The following GSDMA variants were observed in gnomAD, a reference collection of about 807,000 sequenced individuals.
GSDMA encodes the protein gasdermin A, also known as gasdermin-A.
A neutral mutation model predicts 54.3 loss-of-function variants in GSDMA; 55 were observed. The ratio of observed to expected loss-of-function variants is 1.01; its 90% CI spans 0.82 to 1.27. The LOEUF is 1.27. GSDMA is among the 50% of genes most tolerant of loss of function. The probability of loss-of-function intolerance (pLI) is 0.00; values close to 1 mark genes in which losing one functional copy is unlikely to be tolerated. For missense variants in GSDMA, 542 were observed against 542.6 expected, an observed-to-expected ratio of 1.00 and a Z score of 0.01; for synonymous variants, 211 against 224.7, an observed-to-expected ratio of 0.94 and a Z score of 0.54.
intron 9 of GSDMA, 86 bp from the exon 10 acceptor site, chr17:39,974,814 C>T (rs931943107): frequency 8.1e-6 from 6 of 736,374 alleles, no homozygotes; most frequent in African/African-American, 5.4e-5. Context: ...AGAGAGTTTC[C>T]GCATGTCAAG....
chr17:39,968,846 T>C (rs1036319444), intron 3 of GSDMA, among the ~76,000 whole-genome samples: 2 of 152,106 alleles, frequency 1.3e-5, no homozygotes, highest in African/African-American at 4.8e-5. Flanking sequence ...GGTTGTGACA[T>C]TATAGGACAT....
chr17:39,969,910 T>C (rs1979851661), intron 3 of GSDMA, among the ~76,000 whole-genome samples: 1 of 134,426 alleles, frequency 7.4e-6, no homozygotes, highest in African/African-American at 2.8e-5. Flanking sequence ...AAGGAAAAAA[T>C]AGGGTAGTAA....
intron 3 of GSDMA, among the ~76,000 whole-genome samples, chr17:39,968,590 C>T (rs534748004): frequency 1.1e-4 from 17 of 151,676 alleles, no homozygotes; most frequent in African/African-American, 2.7e-4. Flanking sequence ...TCAGGTGATC[C>T]GCCTACCTCG....
At chr17:39,964,202 G>A (rs867682812) in intron 1 of GSDMA, among the ~76,000 whole-genome samples, 9 of 152,162 alleles carry the variant, frequency 5.9e-5, no homozygotes, top group Non-Finnish European at 1.2e-4. Context: ...GAGCATTAGC[G>A]GAGGACTAGG....
chr17:39,972,463 T>C (rs1979996954), intron 6 of GSDMA, 124 bp from the exon 7 acceptor site: 1 of 884,468 alleles, frequency 1.1e-6, no homozygotes, highest in Admixed American at 2.1e-5. Context: ...TGGGGGTGGA[T>C]GAGCTAGCAT....
chr17:39,969,611 A>G (rs2144789468), intron 3 of GSDMA, among the ~76,000 whole-genome samples: 1 of 152,282 alleles, frequency 6.6e-6, no homozygotes. Context: ...AGTATTGCAC[A>G]GAGTTAGGCG....
intron 2 of GSDMA, 82 bp downstream of exon 2, chr17:39,965,983 C>A: frequency 7.8e-7 from 1 of 1,284,800 alleles, no homozygotes; most frequent in East Asian, 2.5e-5. Context: ...GACCTCAAAG[C>A]TCCCTCTGGC....
Position 39,975,015 on chromosome 17 carries a change from G to A in GSDMA, c.1021+1G>A, listed in dbSNP as rs1258709462. 4.5e-6 allele frequency: 7 copies of A among 1,567,740 alleles called. No homozygotes were observed. Among genetic ancestry groups the A allele is most frequent in the Non-Finnish European group, 6.1e-6 (7 of 1,139,450 alleles). ...CTCTATTTCGTTGGAGCCCTAACAG[G>A]TAAGTGGGGAATAAGGTCTTCATTT... On this transcript the variant is annotated splice_donor_variant, in intron 10 of 11. Coordinates refer to ENST00000301659, the MANE Select transcript of GSDMA (RefSeq NM_178171.5). LOFTEE classifies it high-confidence loss of function.
rs371241348 is a variant in GSDMA, at chr17:39,966,426, C to G, written c.381C>G (p.Thr127=). The G allele has an allele frequency of 1.2e-5, 20 of 1,605,350 alleles. No individual in the cohort carries two copies. The highest frequency in any genetic ancestry group is 1.7e-5 in the Non-Finnish European group (20 of 1,176,556). ...TLSVAPKALE[T]VQERKLAADH... ...GTGTGGCTCCCAAGGCCCTGGAGAC[C>G]GTGCAGGAGAGGTGAGAGTGGGCGG... Residue 127 remains threonine (T), a synonymous_variant, in exon 3 of 12, where the codon ACC becomes ACG. Transcript: ENST00000301659.
At chr17:39,965,163 G>C (rs1979577223) in intron 1 of GSDMA, among the ~76,000 whole-genome samples, 1 of 146,650 alleles carries the variant, frequency 6.8e-6, no homozygotes, top group East Asian at 2.0e-4. Flanking sequence ...GCGAGGTGGA[G>C]GGAAGGAAGG....
rs766121214 is a variant in GSDMA, at chr17:39,965,856, G to A, written c.169G>A (p.Asp57Asn). Reference protein sequence around the residue: ...LFWGARYVRTDYTLLDVLEPG... With the variant: ...LFWGARYVRTNYTLLDVLEPG... ...CTGGGGGGCCCGGTACGTCCGCACC[G>A]ACTACACGCTGCTGGATGTGCTTGA... The change falls in exon 2 of 12, where the codon GAC becomes AAC. Residue 57 changes from aspartate to asparagine, a missense_variant. Physicochemically the swap from Asp to Asn is conservative, Grantham distance 23. Coordinates refer to ENST00000301659, the MANE Select transcript of GSDMA (RefSeq NM_178171.5). 68 of 1,564,770 alleles carry A rather than the reference G, an allele frequency of 4.3e-5. No homozygotes were observed. The highest frequency in any genetic ancestry group is 5.5e-5 in the Non-Finnish European group (63 of 1,155,160).
intron 1 of GSDMA, among the ~76,000 whole-genome samples, chr17:39,963,751 G>T (rs1190898047): frequency 6.6e-6 from 1 of 152,206 alleles, no homozygotes; most frequent in Admixed American, 6.5e-5. Flanking sequence ...CTACCTGGGA[G>T]ACTGAGGCAG....
At chr17:39,975,069 C>T in intron 10 of GSDMA, 55 bp downstream of exon 10, 1 of 934,112 alleles carries the variant, frequency 1.1e-6, no homozygotes, top group Non-Finnish European at 1.7e-6. Context: ...AGGAATGAAT[C>T]ACTTGAATCA....
chr17:39,974,204 C>T, intron 8 of GSDMA, 69 bp from the exon 9 acceptor site: 1 of 1,475,990 alleles, frequency 6.8e-7, no homozygotes, highest in Non-Finnish European at 9.1e-7. Flanking sequence ...AGGAGCCCTG[C>T]AGGGGGAATG....
At chr17:39,969,989 CAGA>C (rs1979855868) in intron 3 of GSDMA, among the ~76,000 whole-genome samples, 1 of 151,442 alleles carries the variant, frequency 6.6e-6, no homozygotes, top group Non-Finnish European at 1.5e-5. Flanking sequence ...TGGAAGCAGA[CAGA>C]AGGAGCAAGT....
chr17:39,970,434 A>G (rs1235420501), intron 3 of GSDMA, 48 bp from the exon 4 acceptor site: 2 of 1,472,528 alleles, frequency 1.4e-6, no homozygotes, highest in South Asian at 1.4e-5. Flanking sequence ...GGTGTGGTAC[A>G]GGCAGGAAGG....
intron 4 of GSDMA, 38 bp from the exon 5 acceptor site, chr17:39,971,486 T>C (rs774578616): frequency 2.0e-6 from 3 of 1,512,642 alleles, no homozygotes; most frequent in Non-Finnish European, 2.8e-6. Context: ...ATACTTAAGA[T>C]GTCCAGAGAT....
chr17:39,976,122 ACTC>A (rs1980189625), intron 11 of GSDMA, 125 bp downstream of exon 11: 6 of 595,990 alleles, frequency 1.0e-5, no homozygotes, highest in Admixed American at 9.1e-5. Flanking sequence ...GCTTATGCCC[ACTC>A]CTCCTTTCTC....
chr17:39,977,298 T>C lies in GSDMA; in HGVS notation c.*240T>C. ...TTTTCTTTACTTTTCTTTTCTTTTT[T>C]TTTTTTTTTTTGAGATGGAGGCTCA... On this transcript the variant is annotated 3_prime_UTR_variant, in exon 12 of 12. Coordinates refer to ENST00000301659, the MANE Select transcript of GSDMA (RefSeq NM_178171.5). The C allele has an allele frequency of 2.4e-6, 1 of 408,774 alleles. No individual in the cohort carries two copies. The highest frequency in any genetic ancestry group is 4.3e-6 in the Non-Finnish European group (1 of 231,380). The allele number at this position is 408,774 out of a possible 1,614,324, so 25.3% of individuals were successfully genotyped here. A position where few individuals can be genotyped will look rare whatever the true frequency, so the allele number is the denominator to read the frequency against.
Sources: gnomAD v4.1 joint callset for allele counts (sites outside exome capture counted in the v4.1 genomes callset) on GRCh38, gnomAD v4.1.1 for gene constraint, MANE v1.5 for transcripts, NCBI Gene and HGNC (gene_info 2026-07-23, HGNC 2026-07-21) for gene names.